ZNF583: variants seen among roughly 807,000 people sequenced by gnomAD.
ZNF583 encodes the protein zinc finger protein 583, also known as zinc finger protein L3-5.
In ZNF583, 30 loss-of-function variants were observed where a neutral mutation model predicts 55.3. That is an observed-to-expected ratio of 0.54 (90% CI 0.41 to 0.74). The LOEUF (loss-of-function observed/expected upper bound fraction) is 0.74, where lower values mean the gene tolerates loss of function less well. Ranked by LOEUF, ZNF583 falls within the 30% of genes least tolerant of loss-of-function variation. The pLI is 0.00. For synonymous variants in ZNF583, 208 were observed against 220.0 expected (o/e 0.95, Z 0.48); for missense variants, 504 against 664.7 (o/e 0.76, Z 2.66).
rs1166184013 is a variant in ZNF583, at chr19:56,404,954, A to G, written c.-90+502A>G. On this transcript the variant is annotated intron_variant, in intron 1 of 4. Transcript: ENST00000333201. This position sits in a 1 kb window ranked among gnomAD's most constrained non-coding sequence, Gnocchi z 5.2. ...GTGTGTGACCTGTGTGTGTGGGATA[A>G]TGTAAGACTGTGTGACAGTGTGTGT... is the stretch of plus-strand genomic sequence containing the variant. Among the ~76,000 whole-genome samples the G allele has an allele frequency of 2.6e-5, 4 of 151,850 alleles. No individual in the cohort carries two copies. The highest frequency in any genetic ancestry group is 9.7e-5 in the African/African-American group (4 of 41,324).
chr19:56,405,526 T>C (rs1022590519), intron 1 of ZNF583, among the ~76,000 whole-genome samples: 16 of 151,576 alleles, frequency 1.1e-4, no homozygotes, highest in African/African-American at 3.6e-4. Flanking sequence ...GACAGAAAGA[T>C]TGAGATAAAG....
chr19:56,420,395 G>A (rs1206379465), intron 4 of ZNF583, among the ~76,000 whole-genome samples: 1 of 152,100 alleles, frequency 6.6e-6, no homozygotes. Flanking sequence ...AATACATGTT[G>A]TACAAGTGTT....
intron 4 of ZNF583, among the ~76,000 whole-genome samples, chr19:56,419,891 A>T (rs953448117): frequency 2.6e-5 from 4 of 152,096 alleles, no homozygotes; most frequent in Non-Finnish European, 5.9e-5. Context: ...CTGATGTTTT[A>T]AAAGAACCTA....
chr19:56,412,770 T>C (rs938606427), intron 2 of ZNF583, among the ~76,000 whole-genome samples: 3 of 152,240 alleles, frequency 2.0e-5, no homozygotes, highest in South Asian at 2.1e-4. Context: ...TTCCTTCTTA[T>C]CAAGTACTGA....
At chr19:56,415,720 C>T (rs1451926749) in intron 4 of ZNF583, among the ~76,000 whole-genome samples, 3 of 152,148 alleles carry the variant, frequency 2.0e-5, no homozygotes, top group East Asian at 1.9e-4. Flanking sequence ...TGCACCACTA[C>T]GCCCAGCTAA....
chr19:56,417,543 T>C (rs906667529), intron 4 of ZNF583, among the ~76,000 whole-genome samples: 1 of 152,230 alleles, frequency 6.6e-6, no homozygotes, highest in Admixed American at 6.5e-5. Context: ...GTAAGAGTTC[T>C]GTATATAGTC....
At chr19:56,416,866 T>C (rs1032369802) in intron 4 of ZNF583, among the ~76,000 whole-genome samples, 15 of 152,134 alleles carry the variant, frequency 9.9e-5, no homozygotes, top group African/African-American at 3.4e-4. Flanking sequence ...AGTATTTCTA[T>C]CACCCCAAAA....
chr19:56,409,331 T>C (rs2042203213), intron 2 of ZNF583, among the ~76,000 whole-genome samples: 1 of 152,200 alleles, frequency 6.6e-6, no homozygotes, highest in South Asian at 2.1e-4. Flanking sequence ...CCACCTCTTC[T>C]TTCCTGCTAC....
rs1336298781 is a variant in ZNF583 at position 56,425,711 on chromosome 19, G to T, written c.*1343G>T. 6.6e-6 allele frequency: 1 copy of T among 152,036 alleles called. No homozygotes were observed. Among genetic ancestry groups the T allele is most frequent in the African/African-American group, 2.4e-5 (1 of 41,374 alleles). 9.4% of individuals were successfully genotyped at this position (152,036 alleles called of 1,614,324 possible). On this transcript the variant is annotated 3_prime_UTR_variant, in exon 5 of 5. Transcript: ENST00000333201. ...ATCTATGTCATTTAAAATAATAAAG[G>T]TTGTTAAATTACTAAAATTTCAAAA...
intron 4 of ZNF583, among the ~76,000 whole-genome samples, chr19:56,419,510 T>A (rs189603798): frequency 2.0e-3 from 312 of 152,276 alleles, no homozygotes; most frequent in African/African-American, 6.1e-3. Flanking sequence ...TTTACTTTCT[T>A]ATAATTTTTT....
At chr19:56,414,552 A>C in intron 4 of ZNF583, 112 bp downstream of exon 4, 2 of 898,510 alleles carry the variant, frequency 2.2e-6, no homozygotes, top group Non-Finnish European at 3.4e-6. Context: ...TTAAAGACTC[A>C]AAGCCTGGGA....
rs771832855 is a variant in ZNF583 at position 56,422,846 on chromosome 19, T to C, written c.233-45T>C. 6.9e-6 allele frequency: 10 copies of C among 1,442,754 alleles called. No homozygotes were observed. The African/African-American group carries it at 1.4e-4, about 21-fold the overall frequency. 89.4% of individuals were successfully genotyped at this position (1,442,754 alleles called of 1,614,324 possible). On this transcript the variant is annotated intron_variant, in intron 4 of 4. Transcript: ENST00000333201. ...ACGTTTTTGTTTTAGAAATTTCTTC[T>C]AGTGAATTAAATACAAAAGTCATTT...
chr19:56,425,910 T>C lies in ZNF583; in HGVS notation c.*1542T>C, dbSNP rs2042489352. 6.6e-6 allele frequency: 1 copy of C among 152,208 alleles called. No individual in the cohort carries two copies. The highest frequency in any genetic ancestry group is 1.5e-5 in the Non-Finnish European group (1 of 68,036). 9.4% of individuals were successfully genotyped at this position (152,208 alleles called of 1,614,324 possible). On this transcript the variant is annotated 3_prime_UTR_variant, in exon 5 of 5. Transcript: ENST00000333201. ...CCTGATTCTTTACATCTGACCTCTTTTAATATTACTTCCTGACCCCAGAAT... is the reference window on the plus strand; with the variant it reads ...CCTGATTCTTTACATCTGACCTCTTCTAATATTACTTCCTGACCCCAGAAT...
At chr19:56,407,231 A>G in intron 2 of ZNF583, 108 bp downstream of exon 2, 1 of 1,246,680 alleles carries the variant, frequency 8.0e-7, no homozygotes, top group Non-Finnish European at 1.2e-6. Context: ...GGTTCCATTC[A>G]TCCAGTGACT....
At chr19:56,414,597 A>G (rs1305802817) in intron 4 of ZNF583, 157 bp downstream of exon 4, 1 of 618,476 alleles carries the variant, frequency 1.6e-6, no homozygotes, top group African/African-American at 1.9e-5. Flanking sequence ...TGAGCTCCTC[A>G]ATTTGTTCTC....
At chr19:56,420,493 A>G (rs1173513221) in intron 4 of ZNF583, among the ~76,000 whole-genome samples, 1 of 152,134 alleles carries the variant, frequency 6.6e-6, no homozygotes, top group Admixed American at 6.5e-5. Flanking sequence ...TAGTTTTGTC[A>G]GTTTCTGAGC....
At chr19:56,406,972 T>A in intron 1 of ZNF583, 54 bp from the exon 2 acceptor site, 1 of 791,918 alleles carries the variant, frequency 1.3e-6, no homozygotes, top group Non-Finnish European at 2.0e-6. Context: ...AGGCTGATGA[T>A]ACTGAGAGCT....
intron 4 of ZNF583, among the ~76,000 whole-genome samples, chr19:56,422,181 A>G (rs1271185933): frequency 6.6e-6 from 1 of 152,200 alleles, no homozygotes; most frequent in East Asian, 1.9e-4. Flanking sequence ...TTTATTCTAA[A>G]TGTAGTAAGA....
Position 56,406,802 on chromosome 19 carries a change from C to T in ZNF583, c.-89-224C>T, listed in dbSNP as rs565553861. On this transcript the variant is annotated intron_variant, in intron 1 of 4. Coordinates refer to ENST00000333201, the MANE Select transcript of ZNF583 (RefSeq NM_152478.3). The stretch of plus-strand genomic sequence containing the variant: ...TCGGCCTCCCAAAGTGCTGGGATTA[C>T]AGGCGTGAGCCACCGCGCCTGGCCC... Among the ~76,000 whole-genome samples, 307 of 152,164 alleles carry T rather than the reference C, an allele frequency of 2.0e-3. 1 individual carries two copies. Among genetic ancestry groups the T allele is most frequent in the African/African-American group, 6.9e-3 (285 of 41,562 alleles).
Sources: gnomAD v4.1 joint callset for allele counts (sites outside exome capture counted in the v4.1 genomes callset) on GRCh38, gnomAD v4.1.1 for gene constraint, Gnocchi (gnomAD v3.1) non-coding constraint, MANE v1.5 for transcripts, NCBI Gene and HGNC (gene_info 2026-07-23, HGNC 2026-07-21) for gene names.